Variants in DNAH5 observed in about 807,000 individuals in gnomAD.
DNAH5 encodes axonemal beta dynein heavy chain 5.
A neutral mutation model predicts 518.2 loss-of-function variants in DNAH5; 372 were observed. That is an observed-to-expected ratio of 0.72 (90% confidence interval 0.66 to 0.78). The LOEUF (loss-of-function observed/expected upper bound fraction) is 0.78, where lower values mean the gene tolerates loss of function less well. DNAH5 is among the 30% of genes least tolerant of loss of function. The pLI, the probability that DNAH5 is intolerant of heterozygous loss-of-function variation, is 0.00. For missense variants in DNAH5, 5,523 were observed against 5,687.0 expected (o/e 0.97, Z 0.93); for synonymous variants, 2,039 against 2,025.9 (o/e 1.01, Z -0.17).
chr5:13,939,954 C>T (rs201772538), intron 1 of DNAH5, among the ~76,000 whole-genome samples: 64 of 152,186 alleles, frequency 4.2e-4, no homozygotes, highest in African/African-American at 1.5e-3. Flanking sequence ...AGCACTTAAG[C>T]GTGTGGTACC....
At chr5:13,934,064 CA>C (rs1031522765) in intron 1 of DNAH5, among the ~76,000 whole-genome samples, 14 of 148,378 alleles carry the variant, frequency 9.4e-5, no homozygotes, top group African/African-American at 1.7e-4. Flanking sequence ...CAGTTTTCAC[CA>C]AAAAAAAAAT....
intron 1 of DNAH5, among the ~76,000 whole-genome samples, chr5:14,003,341 T>C (rs1266570993): frequency 7.2e-5 from 11 of 152,188 alleles, no homozygotes; most frequent in Admixed American, 5.9e-4. Context: ...GTGAAGAAAA[T>C]GGATGTGCAT....
intron 77 of DNAH5, 100 bp downstream of exon 77, chr5:13,701,184 A>T: frequency 1.3e-6 from 2 of 1,522,922 alleles, no homozygotes; most frequent in Non-Finnish European, 1.8e-6. Context: ...AAAAAGAGAC[A>T]GTCATTCTCT....
chr5:13,912,408 T>G (rs1173704863), intron 11 of DNAH5, among the ~76,000 whole-genome samples: 1 of 151,858 alleles, frequency 6.6e-6, no homozygotes. Flanking sequence ...TTAGAAATTG[T>G]GTGTGTATGT....
chr5:13,921,748 A>ACAC (rs2151994745), intron 5 of DNAH5, among the ~76,000 whole-genome samples: 1 of 67,448 alleles, frequency 1.5e-5, no homozygotes, highest in East Asian at 1.1e-3. Context: ...CCGCCCACAC[A>ACAC]CACCCCCCCA....
At position 13,700,849 on chromosome 5, in the gene DNAH5, C is replaced by A. The variant is rs747465528; in HGVS notation, c.13514G>T (p.Gly4505Val). 6.2e-7 allele frequency: 1 copy of A among 1,614,116 alleles called. No individual in the cohort carries two copies. Residue 4505 changes from glycine to valine, a missense_variant, in exon 78 of 79, where the codon GGC becomes GTC. By Grantham distance (109) the Gly-to-Val change is moderately radical (BLOSUM62 -3). Transcript: ENST00000265104. ...AAGCACCATATTGTCCAGAGCCCAG[C>A]CTTTGTTGGCCCGAGTTATTTCCTA... ...MRQEITRANK[G>V]WALDNMVLCN...
intron 44 of DNAH5, 40 bp from the exon 45 acceptor site, chr5:13,810,300 G>A: frequency 6.5e-7 from 1 of 1,528,024 alleles, no homozygotes; most frequent in Non-Finnish European, 8.9e-7. Context: ...ACTTGATTCT[G>A]AAACCCAAAC....
intron 1 of DNAH5, among the ~76,000 whole-genome samples, chr5:13,992,383 G>A (rs2152075672): frequency 6.6e-6 from 1 of 152,294 alleles, no homozygotes; most frequent in African/African-American, 2.4e-5. Flanking sequence ...ATAAGAATGA[G>A]AAGGAAGGAA....
chr5:13,932,056 G>A (rs1239630708), intron 1 of DNAH5: 2 of 152,184 alleles, frequency 1.3e-5, no homozygotes, highest in East Asian at 3.8e-4. Flanking sequence ...ATGCCAACCA[G>A]TAGCTCCCAC....
At chr5:13,921,712 T>G (rs1777310545) in intron 5 of DNAH5, among the ~76,000 whole-genome samples, 1 of 149,958 alleles carries the variant, frequency 6.7e-6, no homozygotes, top group Non-Finnish European at 1.5e-5. Flanking sequence ...TTCTGCTTCT[T>G]CAGGATCTCT....
intron 47 of DNAH5, among the ~76,000 whole-genome samples, chr5:13,797,932 T>C (rs1758080392): frequency 1.3e-5 from 2 of 152,052 alleles, no homozygotes; most frequent in Admixed American, 1.3e-4. Flanking sequence ...GAAACCACCA[T>C]TCTCAGCAAA....
chr5:13,991,074 C>T (rs1783508458), intron 1 of DNAH5, among the ~76,000 whole-genome samples: 1 of 152,102 alleles, frequency 6.6e-6, no homozygotes, highest in Non-Finnish European at 1.5e-5. Context: ...TGACTTCTTG[C>T]CAGTTGCAAG....
chr5:13,933,382 G>A (rs1251371970), intron 1 of DNAH5, among the ~76,000 whole-genome samples: 1 of 152,196 alleles, frequency 6.6e-6, no homozygotes, highest in Non-Finnish European at 1.5e-5. Flanking sequence ...TAAACCATGA[G>A]TGCAGATATG....
Position 13,830,588 on chromosome 5 carries a change from A to T in DNAH5, c.6061+9T>A, listed in dbSNP as rs1400186119. On this transcript the variant is annotated intron_variant, in intron 36 of 78. Coordinates refer to ENST00000265104, the MANE Select transcript of DNAH5 (RefSeq NM_001369.3). ...AATTTCTCACCAGATTAAAAAATATAACCCATACCCTTAAAAATCCGTCCA... is the reference window on the plus strand; with the variant it reads ...AATTTCTCACCAGATTAAAAAATATTACCCATACCCTTAAAAATCCGTCCA... The T allele has an allele frequency of 2.5e-6, 4 of 1,614,010 alleles. No homozygotes were observed.
intron 3 of DNAH5, 146 bp downstream of exon 3, chr5:13,927,948 T>C (rs779088059): frequency 1.4e-4 from 94 of 673,024 alleles, no homozygotes; most frequent in Non-Finnish European, 2.5e-4. Context: ...TACACACTAA[T>C]GGTTTCCCAC....
At chr5:13,694,113 G>A (rs962757441) in intron 78 of DNAH5, among the ~76,000 whole-genome samples, 2 of 152,124 alleles carry the variant, frequency 1.3e-5, no homozygotes, top group African/African-American at 2.4e-5. Flanking sequence ...AGCCTTTGGT[G>A]CCTTACATCT....
chr5:13,820,594 G>A (rs1423732608), intron 40 of DNAH5, 95 bp from the exon 41 acceptor site: 1 of 1,431,272 alleles, frequency 7.0e-7, no homozygotes, highest in Non-Finnish European at 9.7e-7. Context: ...GGAGGCCGAG[G>A]CGGGCAGATC....
At chr5:13,960,297 T>G (rs527685309) in intron 1 of DNAH5, among the ~76,000 whole-genome samples, 2 of 152,278 alleles carry the variant, frequency 1.3e-5, no homozygotes, top group East Asian at 1.9e-4. Flanking sequence ...GGTGCACAGA[T>G]GAGTGAACCC....
At chr5:13,799,990 C>T (rs1198109245) in intron 47 of DNAH5, among the ~76,000 whole-genome samples, 3 of 151,958 alleles carry the variant, frequency 2.0e-5, no homozygotes, top group East Asian at 1.9e-4. Context: ...AAACAACATT[C>T]GTGTATATTG....
Sources: allele counts gnomAD v4.1 joint callset (sites outside exome capture counted in the v4.1 genomes callset), GRCh38; gene constraint gnomAD v4.1.1; transcripts MANE v1.5; gene names NCBI Gene and HGNC (gene_info 2026-07-23, HGNC 2026-07-21).